Variants in DSCAM observed in about 807,000 individuals in gnomAD.
The protein encoded by DSCAM is cell adhesion molecule DSCAM.
A neutral mutation model predicts 217.7 loss-of-function variants in DSCAM; 47 were observed. The observed-to-expected ratio is 0.22, with a 90% CI of 0.17 to 0.28. The LOEUF (loss-of-function observed/expected upper bound fraction) is 0.28, where lower values mean the gene tolerates loss of function less well. Ranked by LOEUF, DSCAM falls within the 10% of genes least tolerant of loss-of-function variation. The pLI, the probability that DSCAM is intolerant of heterozygous loss-of-function variation, is 1.00. For missense variants in DSCAM, 2,080 were observed against 2,618.3 expected, an observed-to-expected ratio of 0.79 and a Z score of 4.49; for synonymous variants, 1,056 against 1,015.3, an observed-to-expected ratio of 1.04 and a Z score of -0.76.
chr21:40,549,446 G>A (rs1293836500), intron 3 of DSCAM, among the ~76,000 whole-genome samples: 2 of 152,100 alleles, frequency 1.3e-5, no homozygotes, highest in Non-Finnish European at 2.9e-5. Context: ...CTTGCGCTTA[G>A]GAAGAGAACA....
At chr21:40,232,589 T>A (rs951318915) in intron 11 of DSCAM, among the ~76,000 whole-genome samples, 2 of 152,160 alleles carry the variant, frequency 1.3e-5, no homozygotes, top group African/African-American at 4.8e-5. Context: ...TCTCAGTAGA[T>A]AAGTGTCTTC....
chr21:40,846,581 A>G (rs1601341194), intron 1 of DSCAM, 38 bp downstream of exon 1: 2 of 402,900 alleles, frequency 5.0e-6, no homozygotes, highest in Middle Eastern at 5.2e-4. Context: ...CCGGTCAATG[A>G]TAAGGAAACG....
chr21:40,697,787 TTC>T lies in DSCAM; in HGVS notation c.362-4833_362-4832del, dbSNP rs142726091. Among the ~76,000 whole-genome samples the T allele has an allele frequency of 4.6e-3, 695 of 152,340 alleles. 3 individuals are homozygous for T. Among genetic ancestry groups the T allele is most frequent in the African/African-American group, 0.016 (654 of 41,566 alleles). On this transcript the variant is annotated intron_variant, in intron 2 of 32. Transcript: ENST00000400454. Reference sequence around the variant, plus strand: ...AGACTGTGTGATACCTACAGCTTTGTTCTTTTTGCTCAGGATTGCTTTAGCAT... The same window carrying T: ...AGACTGTGTGATACCTACAGCTTTGTTTTTTGCTCAGGATTGCTTTAGCAT...
intron 14 of DSCAM, among the ~76,000 whole-genome samples, chr21:40,182,367 C>T (rs1053245974): frequency 1.5e-4 from 23 of 151,976 alleles, no homozygotes; most frequent in Non-Finnish European, 2.9e-5. Flanking sequence ...TTGGGGTGTG[C>T]ACCTTCTGTG....
At chr21:40,341,338 A>G (rs1198069763) in intron 6 of DSCAM, among the ~76,000 whole-genome samples, 1 of 152,164 alleles carries the variant, frequency 6.6e-6, no homozygotes, top group African/African-American at 2.4e-5. Context: ...TTATAATTCC[A>G]TGGTTTTTGT....
intron 3 of DSCAM, among the ~76,000 whole-genome samples, chr21:40,686,908 T>G (rs988950949): frequency 4.6e-5 from 7 of 152,182 alleles, no homozygotes; most frequent in South Asian, 2.1e-4. Context: ...ATGGAAAAAG[T>G]ATAACATAAT....
At chr21:40,752,267 T>C (rs2091236902) in intron 1 of DSCAM, among the ~76,000 whole-genome samples, 2 of 152,160 alleles carry the variant, frequency 1.3e-5, no homozygotes, top group African/African-American at 4.8e-5. Flanking sequence ...CCTCTTCTTT[T>C]CTCCAAAGCC....
intron 3 of DSCAM, among the ~76,000 whole-genome samples, chr21:40,382,486 A>C (rs2075036330): frequency 6.6e-6 from 1 of 152,196 alleles, no homozygotes; most frequent in Non-Finnish European, 1.5e-5. Context: ...AAAGCAGTTT[A>C]TTTTTTTAAA....
chr21:40,697,848 G>C (rs2090611830), intron 2 of DSCAM, among the ~76,000 whole-genome samples: 1 of 152,098 alleles, frequency 6.6e-6, no homozygotes, highest in South Asian at 2.1e-4. Flanking sequence ...ACAAAGTTAA[G>C]GATTTTTTTT....
At chr21:40,757,269 C>T (rs2091286167) in intron 1 of DSCAM, among the ~76,000 whole-genome samples, 1 of 152,204 alleles carries the variant, frequency 6.6e-6, no homozygotes, top group Non-Finnish European at 1.5e-5. Flanking sequence ...TCGTGATCCA[C>T]CCGTCTCGGC....
At chr21:40,800,689 A>ATTTCTTC (rs1353537926) in intron 1 of DSCAM, among the ~76,000 whole-genome samples, 1 of 148,716 alleles carries the variant, frequency 6.7e-6, no homozygotes. Flanking sequence ...GACACAAGGC[A>ATTTCTTC]TTTCTTCTTT....
chr21:40,353,639 G>C lies in DSCAM; in HGVS notation c.760C>G (p.Pro254Ala), dbSNP rs1366612859. ...LPCKALGHPE[P>A]DYRWLKDNMP... ...TTGTCCTTCAGCCAGCGGTAATCTGGCTCAGGGTGCCCGAGCGCTTTGCAA... is the reference window on the plus strand; with the variant it reads ...TTGTCCTTCAGCCAGCGGTAATCTGCCTCAGGGTGCCCGAGCGCTTTGCAA... Residue 254 changes from proline (P) to alanine (A), a missense_variant, in exon 5 of 33, where the codon CCA becomes GCA. Coordinates refer to ENST00000400454, the MANE Select transcript of DSCAM (RefSeq NM_001389.5). The C allele has an allele frequency of 6.2e-7, 1 of 1,611,930 alleles. No homozygotes were observed. Among genetic ancestry groups the C allele is most frequent in the South Asian group, 1.1e-5 (1 of 90,768 alleles).
intron 3 of DSCAM, among the ~76,000 whole-genome samples, chr21:40,670,934 A>G (rs934477805): frequency 2.0e-5 from 3 of 152,254 alleles, no homozygotes; most frequent in African/African-American, 7.2e-5. Context: ...CTTTTGTCAT[A>G]TAACTTGTAC....
chr21:40,632,427 T>A (rs35786508), intron 3 of DSCAM, among the ~76,000 whole-genome samples: 11,138 of 152,116 alleles, frequency 0.073, 462 homozygotes, highest in Middle Eastern at 0.099. Flanking sequence ...AAAGACACAC[T>A]ACTATCACAC....
chr21:40,709,039 C>T (rs772812457), intron 1 of DSCAM, among the ~76,000 whole-genome samples: 84 of 152,212 alleles, frequency 5.5e-4, no homozygotes, highest in Non-Finnish European at 8.7e-4. Flanking sequence ...TTGCCTCATG[C>T]CCCAAACCCT....
At chr21:40,355,584 C>G (rs2074683010) in intron 4 of DSCAM, among the ~76,000 whole-genome samples, 1 of 152,212 alleles carries the variant, frequency 6.6e-6, no homozygotes, top group Non-Finnish European at 1.5e-5. Context: ...TGTTCTCACC[C>G]TGCTCTCTCT....
intron 20 of DSCAM, among the ~76,000 whole-genome samples, chr21:40,114,859 A>T (rs532482840): frequency 1.3e-5 from 2 of 152,328 alleles, no homozygotes; most frequent in Non-Finnish European, 2.9e-5. Context: ...CAAAACCACA[A>T]TGAGATACCA....
chr21:40,753,894 G>C (rs557749646), intron 1 of DSCAM, among the ~76,000 whole-genome samples: 5 of 152,324 alleles, frequency 3.3e-5, no homozygotes, highest in Admixed American at 6.5e-5. Flanking sequence ...AACTTACAGT[G>C]CAAGGTTCTG....
chr21:40,063,369 A>G (rs2089152211), intron 27 of DSCAM, among the ~76,000 whole-genome samples: 1 of 152,088 alleles, frequency 6.6e-6, no homozygotes, highest in African/African-American at 2.4e-5. Flanking sequence ...CTGGAAACTT[A>G]GATGTTTATT....
Sources: allele counts gnomAD v4.1 joint callset (sites outside exome capture counted in the v4.1 genomes callset), GRCh38; gene constraint gnomAD v4.1.1; transcripts MANE v1.5; gene names NCBI Gene and HGNC (gene_info 2026-07-23, HGNC 2026-07-21).